ST8SIA6: variants seen among roughly 807,000 people sequenced by gnomAD.
ST8SIA6 encodes ST8 alpha-N-acetyl-neuraminide alpha-2,8-sialyltransferase 6, also known as alpha-2,8-sialyltransferase 8F.
In ST8SIA6, 39 loss-of-function variants were observed where a neutral mutation model predicts 33.6. The observed-to-expected ratio is 1.16, with a 90% CI of 0.90 to 1.52. ST8SIA6 has a LOEUF of 1.52. Ranked by LOEUF, ST8SIA6 falls within the 40% of genes most tolerant of loss-of-function variation. The pLI, the probability that ST8SIA6 is intolerant of heterozygous loss-of-function variation, is 0.00. For synonymous variants in ST8SIA6, 172 were observed against 167.2 expected, an observed-to-expected ratio of 1.03 and a Z score of -0.22; for missense variants, 441 against 443.8, an observed-to-expected ratio of 0.99 and a Z score of 0.06.
intron 5 of ST8SIA6, among the ~76,000 whole-genome samples, chr10:17,329,015 C>T (rs1848218833): frequency 6.6e-6 from 1 of 152,224 alleles, no homozygotes; most frequent in South Asian, 2.1e-4. Flanking sequence ...CAGCCCAGGG[C>T]CGATGTGGTT....
rs947312782 is a variant in ST8SIA6 at position 17,316,229 on chromosome 10, A to G, written c.*4649T>C. ...CGTAGCCTTGAATATGTTTGTATGT[A>G]TGCATGCATACGCTTTAAAGTAATT... On this transcript the variant is annotated 3_prime_UTR_variant, in exon 8 of 8. Coordinates refer to ENST00000377602, the MANE Select transcript of ST8SIA6 (RefSeq NM_001004470.3). Among the ~76,000 whole-genome samples the G allele has an allele frequency of 6.6e-6, 1 of 152,038 alleles. No homozygotes were observed. Among genetic ancestry groups the G allele is most frequent in the Admixed American group, 6.6e-5 (1 of 15,254 alleles).
intron 2 of ST8SIA6, among the ~76,000 whole-genome samples, chr10:17,418,524 C>G (rs1197643983): frequency 2.0e-5 from 3 of 152,120 alleles, no homozygotes; most frequent in Non-Finnish European, 2.9e-5. Context: ...TAGGACATGA[C>G]CACTGTCATT....
intron 3 of ST8SIA6, among the ~76,000 whole-genome samples, chr10:17,377,837 T>G (rs990786559): frequency 6.6e-6 from 1 of 152,178 alleles, no homozygotes; most frequent in African/African-American, 2.4e-5. Flanking sequence ...AAAACGAAAT[T>G]ACTTTTTTAT....
rs142410934 is a variant in ST8SIA6, at chr10:17,447,859, G to A, written c.200+5700C>T. ...AGATAGAGTCTCACTCTGTTGTCCA[G>A]GATAGAGTGCAGTGGAGCGATCTTG... On this transcript the variant is annotated intron_variant, in intron 2 of 7. Transcript: ENST00000377602. Among the ~76,000 whole-genome samples the A allele has an allele frequency of 3.8e-3, 584 of 152,198 alleles. 2 individuals are homozygous for A. Among genetic ancestry groups the A allele is most frequent in the Non-Finnish European group, 6.0e-3 (405 of 68,010 alleles).
At chr10:17,401,766 G>A (rs935767100) in intron 2 of ST8SIA6, among the ~76,000 whole-genome samples, 6 of 152,078 alleles carry the variant, frequency 3.9e-5, no homozygotes, top group Admixed American at 1.3e-4. Context: ...CTTACACCTT[G>A]TACAAAAATT....
intron 3 of ST8SIA6, among the ~76,000 whole-genome samples, chr10:17,380,228 C>T (rs1680239468): frequency 6.6e-6 from 1 of 152,114 alleles, no homozygotes; most frequent in Non-Finnish European, 1.5e-5. Context: ...TTTTTTCCTG[C>T]TTCTAGCATG....
At chr10:17,386,890 A>C (rs1174701030) in intron 3 of ST8SIA6, 1 of 152,314 alleles carries the variant, frequency 6.6e-6, no homozygotes, top group East Asian at 1.9e-4. Context: ...TATCTTGCTG[A>C]CGCACGCTGA....
rs1052708240 is a variant in ST8SIA6 at position 17,335,108 on chromosome 10, G to A, written c.378-3556C>T. 1.8e-4 allele frequency among the ~76,000 whole-genome samples: 27 copies of A among 152,320 alleles called. No homozygotes were observed. The East Asian group carries it at 4.6e-3, about 26-fold the overall frequency. On this transcript the variant is annotated intron_variant, in intron 4 of 7. Coordinates refer to ENST00000377602, the MANE Select transcript of ST8SIA6 (RefSeq NM_001004470.3). ...AGCTTTAGCCTTTTTCAGTCTTGCA[G>A]AGTTTACAGAATTTTCTCTTCTCTC...
intron 4 of ST8SIA6, among the ~76,000 whole-genome samples, chr10:17,355,891 C>G (rs529962142): frequency 6.6e-6 from 1 of 152,278 alleles, no homozygotes; most frequent in African/African-American, 2.4e-5. Flanking sequence ...ATCTTATTGC[C>G]TTTCTTCCTG....
intron 2 of ST8SIA6, among the ~76,000 whole-genome samples, chr10:17,421,192 G>A (rs575251438): frequency 4.6e-4 from 70 of 152,294 alleles, no homozygotes; most frequent in Admixed American, 2.5e-3. Context: ...CTTACCTGGG[G>A]TAGAACACAA....
intron 3 of ST8SIA6, among the ~76,000 whole-genome samples, chr10:17,379,083 A>G (rs1261592195): frequency 4.0e-5 from 6 of 150,782 alleles, no homozygotes; most frequent in South Asian, 2.1e-4. Context: ...CTGAGATCGC[A>G]CCACTGCACT....
chr10:17,433,550 C>A (rs1314219948), intron 2 of ST8SIA6, among the ~76,000 whole-genome samples: 1 of 152,138 alleles, frequency 6.6e-6, no homozygotes, highest in Non-Finnish European at 1.5e-5. Context: ...AGGCACTTCC[C>A]CAGTGTAGAC....
chr10:17,334,452 T>G (rs912593456), intron 4 of ST8SIA6, among the ~76,000 whole-genome samples: 20 of 150,744 alleles, frequency 1.3e-4, no homozygotes, highest in African/African-American at 4.9e-4. Context: ...AGCAGGACAA[T>G]GGTGTGAACC....
At chr10:17,382,431 A>T (rs900649201) in intron 3 of ST8SIA6, among the ~76,000 whole-genome samples, 6 of 152,000 alleles carry the variant, frequency 3.9e-5, no homozygotes, top group Non-Finnish European at 8.8e-5. Context: ...ATTTCTGGCT[A>T]ATTTTTGTAT....
At chr10:17,422,751 A>G (rs45626634) in intron 2 of ST8SIA6, among the ~76,000 whole-genome samples, 2,052 of 152,342 alleles carry the variant, frequency 0.013, 27 homozygotes, top group Non-Finnish European at 0.022. Flanking sequence ...TTTACAGTCA[A>G]TGGTACTTAA....
Position 17,333,710 on chromosome 10 carries a change from T to TAG in ST8SIA6, c.378-2159_378-2158insCT, listed in dbSNP as rs1564405082. Among the ~76,000 whole-genome samples, 96 of 35,082 alleles carry TAG rather than the reference T, an allele frequency of 2.7e-3. 5 individuals carry two copies. Among genetic ancestry groups the TAG allele is most frequent in the African/African-American group, 0.011 (94 of 8,822 alleles). 23.0% of individuals were successfully genotyped at this position (35,082 alleles called of 152,430 possible). A position where few individuals can be genotyped will look rare whatever the true frequency, so the allele number is the denominator to read the frequency against. ...ATATATATATATATATATATATATATATATATATTTTTTTTTTTTTTTTTT... is the reference window on the plus strand; with the variant it reads ...ATATATATATATATATATATATATATAGATATATATTTTTTTTTTTTTTTTTT... On this transcript the variant is annotated intron_variant, in intron 4 of 7. Transcript: ENST00000377602.
chr10:17,414,288 A>G (rs1281871627), intron 2 of ST8SIA6, among the ~76,000 whole-genome samples: 1 of 152,190 alleles, frequency 6.6e-6, no homozygotes, highest in African/African-American at 2.4e-5. Context: ...CAGTCCTACT[A>G]TGTTTTCCTA....
intron 3 of ST8SIA6, among the ~76,000 whole-genome samples, chr10:17,370,039 G>A (rs1054593103): frequency 2.0e-5 from 3 of 150,920 alleles, no homozygotes; most frequent in African/African-American, 7.3e-5. Context: ...TCGCTGCAGT[G>A]GCATGATCTC....
intron 2 of ST8SIA6, among the ~76,000 whole-genome samples, chr10:17,396,916 C>A (rs1850826223): frequency 2.6e-5 from 4 of 152,226 alleles, no homozygotes; most frequent in African/African-American, 9.6e-5. Flanking sequence ...GAACCACTGA[C>A]AACTCACTTA....
Sources: allele counts gnomAD v4.1 joint callset (sites outside exome capture counted in the v4.1 genomes callset), GRCh38; gene constraint gnomAD v4.1.1; transcripts MANE v1.5; gene names NCBI Gene and HGNC (gene_info 2026-07-23, HGNC 2026-07-21).